Variants in GSN observed in about 807,000 individuals in gnomAD.
GSN encodes the protein actin-depolymerizing factor.
GSN carries 56 observed loss-of-function variants against 85.7 expected under a neutral mutation model. The ratio of observed to expected loss-of-function variants is 0.65; its 90% confidence interval spans 0.53 to 0.82. The LOEUF (loss-of-function observed/expected upper bound fraction) is 0.82, where lower values mean the gene tolerates loss of function less well. Among genes scored for constraint, GSN ranks in the 40% least tolerant of loss-of-function variants. GSN has a pLI of 0.00. For missense variants in GSN, 857 were observed against 979.8 expected, an observed-to-expected ratio of 0.87 and a Z score of 1.67; for synonymous variants, 373 against 399.1, an observed-to-expected ratio of 0.93 and a Z score of 0.78.
rs147410423 is a variant in GSN at position 121,332,699 on chromosome 9, A to AGTGTGT, written c.*111_*116dup. 382 of 707,408 alleles carry AGTGTGT rather than the reference A, an allele frequency of 5.4e-4. No individual in the cohort carries two copies. The East Asian group carries it at 7.2e-3, about 13-fold the overall frequency. 43.8% of individuals were successfully genotyped at this position (707,408 alleles called of 1,614,324 possible). A position where few individuals can be genotyped will look rare whatever the true frequency, so the allele number is the denominator to read the frequency against. On this transcript the variant is annotated 3_prime_UTR_variant, in exon 18 of 18. Transcript: ENST00000432226. This position sits in a 1 kb window ranked among gnomAD's most constrained non-coding sequence, Gnocchi z 4.8. The stretch of plus-strand genomic sequence containing the variant: ...GAGCGAGCAGAGCAGCTCTGCTATG[A>AGTGTGT]GTGTGTGTGTGTGTGTGTGTTGTTT...
chr9:121,289,490 A>T (rs976749820), intron 2 of GSN, among the ~76,000 whole-genome samples: 3 of 152,194 alleles, frequency 2.0e-5, no homozygotes, highest in South Asian at 2.1e-4. Context: ...TAGGAGAGAG[A>T]GAACCTGCTG....
intron 4 of GSN, among the ~76,000 whole-genome samples, chr9:121,305,001 TGAGTAG>T (rs2060255512): frequency 6.6e-6 from 1 of 152,130 alleles, no homozygotes; most frequent in Admixed American, 6.5e-5. Flanking sequence ...ATGAGATAGA[TGAGTAG>T]GTGTTTGCTA....
In GSN at chr9:121,332,422, G is replaced by T; in HGVS notation, c.2027-12G>T. On this transcript the variant is annotated splice_polypyrimidine_tract_variant and intron_variant, in intron 17 of 17. Transcript: ENST00000432226. This position sits in a 1 kb window ranked among gnomAD's most constrained non-coding sequence, Gnocchi z 4.8. The stretch of plus-strand genomic sequence containing the variant: ...TTCCTGGGGTTTCCTTTTCTTGCAC[G>T]TGTGTCTGCAGCTAAGCGGTACATC... The T allele has an allele frequency of 1.2e-6, 2 of 1,613,412 alleles. No homozygotes were observed. The highest frequency in any genetic ancestry group is 1.7e-6 in the Non-Finnish European group (2 of 1,179,312).
chr9:121,218,523 T>C (rs1258342828), intron 4 of GSN, among the ~76,000 whole-genome samples: 1 of 152,132 alleles, frequency 6.6e-6, no homozygotes, highest in East Asian at 1.9e-4. Flanking sequence ...TAATTGCAGC[T>C]ACTCAGGAGG....
Position 121,215,600 on chromosome 9 carries a change from A to C in GSN, c.-528+4733A>C, listed in dbSNP as rs527807677. On this transcript the variant is annotated intron_variant, in intron 4 of 24. Transcript: ENST00000373823. Reference sequence around the variant, plus strand: ...TCCCAGCTACTTGAGAGGCTGAGGCAGAAGAATTGCTTGAACTCAGGAGGC... The same window carrying C: ...TCCCAGCTACTTGAGAGGCTGAGGCCGAAGAATTGCTTGAACTCAGGAGGC... 4.6e-5 allele frequency among the ~76,000 whole-genome samples: 7 copies of C among 152,126 alleles called. No homozygotes were observed. The East Asian group carries it at 1.4e-3, about 29-fold the overall frequency.
intron 10 of GSN, among the ~76,000 whole-genome samples, 186 bp downstream of exon 10, chr9:121,319,066 G>C (rs1478575001): frequency 6.6e-6 from 1 of 152,232 alleles, no homozygotes; most frequent in Non-Finnish European, 1.5e-5. Context: ...CAAGTGTCTT[G>C]GCCCCACCTT....
chr9:121,305,740 C>T (rs557860811), intron 4 of GSN, among the ~76,000 whole-genome samples: 2 of 152,336 alleles, frequency 1.3e-5, no homozygotes, highest in East Asian at 3.9e-4. Context: ...TCCTGAAAGG[C>T]GCTGGCTCCT....
intron 6 of GSN, 185 bp downstream of exon 6, chr9:121,312,673 G>A: frequency 1.8e-6 from 1 of 549,578 alleles, no homozygotes; most frequent in Non-Finnish European, 3.1e-6. Context: ...TGTTGCCTGA[G>A]CTGGAGTGCA....
chr9:121,260,578 G>C (rs1424254342), intron 6 of GSN, among the ~76,000 whole-genome samples: 4 of 152,154 alleles, frequency 2.6e-5, no homozygotes, highest in African/African-American at 9.7e-5. Flanking sequence ...GCACAACCAG[G>C]GGCTGGAAAA....
intron 13 of GSN, 170 bp downstream of exon 13, chr9:121,326,852 C>T: frequency 1.3e-6 from 1 of 779,444 alleles, no homozygotes; most frequent in Non-Finnish European, 2.4e-6. Context: ...TCTTAGACTC[C>T]CCCCTGTTTC....
upstream of GSN, chr9:121,203,538 G>C (rs897433903): frequency 6.6e-6 from 1 of 152,338 alleles, no homozygotes; most frequent in African/African-American, 2.4e-5. Flanking sequence ...CCCTGCCTTA[G>C]TTCCCCACCC....
chr9:121,260,093 G>A (rs911311745), intron 6 of GSN, among the ~76,000 whole-genome samples: 1 of 152,250 alleles, frequency 6.6e-6, no homozygotes, highest in Non-Finnish European at 1.5e-5. Context: ...TAAGCACAGA[G>A]GAAGCTGGAC....
intron 2 of GSN, chr9:121,286,677 G>C (rs2058121318): frequency 1.3e-6 from 2 of 1,535,160 alleles, no homozygotes; most frequent in Admixed American, 2.0e-5. Context: ...AGAAAGAAAG[G>C]AGACAATTTG....
intron 5 of GSN, among the ~76,000 whole-genome samples, chr9:121,235,168 G>GC (rs1303559433): frequency 2.0e-5 from 3 of 152,204 alleles, no homozygotes; most frequent in Non-Finnish European, 4.4e-5. Flanking sequence ...TTTGGCTTTA[G>GC]CAATCTCGCA....
In GSN at chr9:121,299,811, GGCGACCCGAGGCCGCGGCT is replaced by G; in HGVS notation, c.-9-2149_-9-2131del. On this transcript the variant is annotated intron_variant, in intron 2 of 17. Transcript: ENST00000432226. This position sits in a 1 kb window ranked among gnomAD's most constrained non-coding sequence, Gnocchi z 4.2. The stretch of plus-strand genomic sequence containing the variant: ...GATGGGCGGGCGGCTACTTAAGGTC[GGCGACCCGAGGCCGCGGCT>G]GCCGACTGGGTCCCCTGCCGCTGTC... 7.7e-7 allele frequency: 1 copy of G among 1,292,624 alleles called. No homozygotes were observed. Among genetic ancestry groups the G allele is most frequent in the Non-Finnish European group, 9.9e-7 (1 of 1,013,444 alleles). The allele number at this position is 1,292,624 out of a possible 1,614,324, so 80.1% of individuals were successfully genotyped here. A position where few individuals can be genotyped will look rare whatever the true frequency, so the allele number is the denominator to read the frequency against.
chr9:121,242,492 AC>A (rs869027386), intron 5 of GSN, among the ~76,000 whole-genome samples: 2 of 123,978 alleles, frequency 1.6e-5, no homozygotes, highest in East Asian at 3.2e-4. Flanking sequence ...ATGGGGCTAG[AC>A]AGGGGAAAGC....
intron 2 of GSN, among the ~76,000 whole-genome samples, chr9:121,295,910 A>C (rs2059172442): frequency 6.6e-6 from 1 of 152,248 alleles, no homozygotes; most frequent in African/African-American, 2.4e-5. Flanking sequence ...CAAAGAAACC[A>C]TGCCAGACCT....
intron 4 of GSN, among the ~76,000 whole-genome samples, chr9:121,222,467 A>G (rs973374048): frequency 6.6e-6 from 1 of 152,250 alleles, no homozygotes; most frequent in African/African-American, 2.4e-5. Flanking sequence ...GCAATCAAGA[A>G]TGCAGAAATA....
chr9:121,237,076 G>A (rs571399275), intron 5 of GSN, among the ~76,000 whole-genome samples: 1 of 152,226 alleles, frequency 6.6e-6, no homozygotes, highest in South Asian at 2.1e-4. Context: ...ACTCAGTAAA[G>A]GTCACCAAAG....
Sources: gnomAD v4.1 joint callset for allele counts (sites outside exome capture counted in the v4.1 genomes callset) on GRCh38, gnomAD v4.1.1 for gene constraint, Gnocchi (gnomAD v3.1) non-coding constraint, MANE v1.5 for transcripts, NCBI Gene and HGNC (gene_info 2026-07-23, HGNC 2026-07-21) for gene names.